SUCLA2: variants seen among roughly 807,000 people sequenced by gnomAD.
SUCLA2 encodes succinate-CoA ligase ADP-forming subunit beta.
Under a neutral mutation model 54.8 loss-of-function variants are expected in SUCLA2, and 30 were observed. The observed-to-expected ratio is 0.55, with a 90% CI of 0.41 to 0.74. The LOEUF is 0.74. Ranked by LOEUF, SUCLA2 falls within the 30% of genes least tolerant of loss-of-function variation. The pLI is 0.00. For missense variants in SUCLA2, 476 were observed against 562.9 expected (o/e 0.85, Z 1.56); for synonymous variants, 172 against 188.9 (o/e 0.91, Z 0.74).
chr13:47,949,706 AG>A (rs1333340628), intron 8 of SUCLA2, 103 bp from the exon 9 acceptor site: 1 of 1,263,450 alleles, frequency 7.9e-7, no homozygotes, highest in Non-Finnish European at 1.1e-6. Context: ...TTAACTTGAT[AG>A]AAAGATTTTC....
intron 10 of SUCLA2, 103 bp from the exon 11 acceptor site, chr13:47,943,548 A>T (rs1949702147): frequency 2.1e-6 from 2 of 971,802 alleles, no homozygotes; most frequent in Non-Finnish European, 3.3e-6. Flanking sequence ...AAACATCTGG[A>T]CTATTCTGAC....
At chr13:47,978,616 A>G (rs1164299073) in intron 4 of SUCLA2, among the ~76,000 whole-genome samples, 2 of 152,212 alleles carry the variant, frequency 1.3e-5, no homozygotes, top group Admixed American at 6.5e-5. Context: ...CAAGGACTTC[A>G]TGATGACGAA....
chr13:47,955,670 C>T (rs751361623), intron 6 of SUCLA2, among the ~76,000 whole-genome samples: 4 of 152,076 alleles, frequency 2.6e-5, no homozygotes, highest in Non-Finnish European at 5.9e-5. Context: ...AACCCCTGTG[C>T]TTAAACTCCT....
chr13:47,999,254 T>C (rs1950210856), intron 1 of SUCLA2, among the ~76,000 whole-genome samples: 1 of 152,220 alleles, frequency 6.6e-6, no homozygotes. Context: ...ACTATATATA[T>C]TCATGTTACA....
chr13:47,969,911 G>A (rs1949948918), intron 5 of SUCLA2, among the ~76,000 whole-genome samples: 1 of 152,040 alleles, frequency 6.6e-6, no homozygotes, highest in Non-Finnish European at 1.5e-5. Flanking sequence ...AGACCAGCCT[G>A]GGCAACATGG....
intron 2 of SUCLA2, among the ~76,000 whole-genome samples, chr13:47,991,197 C>A (rs1448057011): frequency 6.6e-6 from 1 of 152,178 alleles, no homozygotes; most frequent in African/African-American, 2.4e-5. Context: ...GCACTGAATG[C>A]CAGTCTCACT....
intron 6 of SUCLA2, among the ~76,000 whole-genome samples, chr13:47,964,487 C>T (rs1949899727): frequency 6.6e-6 from 1 of 152,104 alleles, no homozygotes; most frequent in Non-Finnish European, 1.5e-5. Flanking sequence ...ATGTTGAAAA[C>T]TAAGTAAAAT....
At chr13:47,948,082 TA>T (rs1018072927) in intron 10 of SUCLA2, among the ~76,000 whole-genome samples, 14 of 152,226 alleles carry the variant, frequency 9.2e-5, no homozygotes, top group Non-Finnish European at 2.1e-4. Context: ...GTAATTTTTT[TA>T]TACCATTATC....
intron 4 of SUCLA2, among the ~76,000 whole-genome samples, chr13:47,981,691 CT>C (rs1393108290): frequency 6.6e-6 from 1 of 152,228 alleles, no homozygotes; most frequent in Non-Finnish European, 1.5e-5. Flanking sequence ...TGGTGCACGC[CT>C]GTAGTCCCAG....
intron 8 of SUCLA2, 104 bp downstream of exon 8, chr13:47,954,036 C>T (rs1949797257): frequency 1.9e-6 from 2 of 1,037,948 alleles, no homozygotes; most frequent in Admixed American, 3.7e-5. Context: ...TATTAAAAGA[C>T]ATATATATGA....
chr13:47,954,146 A>C lies in SUCLA2; in HGVS notation c.1101T>G (p.Asp367Glu), dbSNP rs1411239665. 1.2e-6 allele frequency: 2 copies of C among 1,613,232 alleles called. No homozygotes were observed. The highest frequency in any genetic ancestry group is 1.7e-6 in the Non-Finnish European group (2 of 1,179,544). ...VTEAFKLITS[D>E]KKVLAILVNI... ...TATCAAGCCCTGCCCTTACCTTTTT[A>C]TCTGAAGTGATAAGCTTAAATGCTT... The change falls in exon 8 of 11, where the codon GAT becomes GAG. Residue 367 changes from aspartate (D) to glutamate (E), a missense_variant. Around this residue, in one of 2 missense-constraint regions of SUCLA2, gnomAD observed 342 missense variants for 444.2 expected, o/e 0.77. Transcript: ENST00000646932.
intron 6 of SUCLA2, among the ~76,000 whole-genome samples, chr13:47,966,176 AG>A (rs143135937): frequency 0.023 from 3,537 of 152,368 alleles, 143 homozygotes; most frequent in Admixed American, 0.1. Context: ...GAAAGAGAGC[AG>A]AAAGAGAATA....
intron 4 of SUCLA2, among the ~76,000 whole-genome samples, chr13:47,982,087 C>T (rs9567968): frequency 0.12 from 18,849 of 152,098 alleles, 1,504 homozygotes; most frequent in East Asian, 0.21. Flanking sequence ...TCCAGTAATC[C>T]CACTTCTAGG....
At chr13:47,958,874 T>C (rs889083869) in intron 6 of SUCLA2, among the ~76,000 whole-genome samples, 4 of 152,180 alleles carry the variant, frequency 2.6e-5, no homozygotes, top group Non-Finnish European at 5.9e-5. Context: ...AGATAAACTG[T>C]TTAAAATGAA....
chr13:47,948,397 A>G (rs4942720), intron 10 of SUCLA2, among the ~76,000 whole-genome samples: 142,366 of 152,150 alleles, frequency 0.94, 66,636 homozygotes, highest in East Asian at 1. Flanking sequence ...GTGTGCGCAC[A>G]TGTGTGAAGA....
intron 2 of SUCLA2, chr13:47,991,561 C>CAT (rs1210093160): frequency 6.6e-6 from 1 of 152,212 alleles, no homozygotes; most frequent in Non-Finnish European, 1.5e-5. Flanking sequence ...AATTCTCTTA[C>CAT]ATATATCATT....
chr13:47,948,484 G>T (rs941059382), intron 10 of SUCLA2, among the ~76,000 whole-genome samples: 2 of 152,008 alleles, frequency 1.3e-5, no homozygotes, highest in African/African-American at 2.4e-5. Context: ...CCTCCCAAAG[G>T]CTACTCTGAA....
intron 6 of SUCLA2, among the ~76,000 whole-genome samples, chr13:47,967,177 A>T (rs1473327907): frequency 6.6e-6 from 1 of 152,164 alleles, no homozygotes; most frequent in African/African-American, 2.4e-5. Flanking sequence ...GGATTAAAAA[A>T]GTGTTTTTCT....
At chr13:47,961,287 G>A (rs757221566) in intron 6 of SUCLA2, among the ~76,000 whole-genome samples, 1 of 152,108 alleles carries the variant, frequency 6.6e-6, no homozygotes, top group African/African-American at 2.4e-5. Context: ...ATGGAGTGGG[G>A]GGGGCCAGAC....
Sources: allele counts gnomAD v4.1 joint callset (sites outside exome capture counted in the v4.1 genomes callset), GRCh38; gene constraint gnomAD v4.1.1; regional missense constraint gnomAD v4.1.1; transcripts MANE v1.5; gene names NCBI Gene and HGNC (gene_info 2026-07-23, HGNC 2026-07-21).